Variants in PRKD1 observed in about 807,000 individuals in gnomAD.
The protein encoded by PRKD1 is serine/threonine-protein kinase D1.
A neutral mutation model predicts 95.9 loss-of-function variants in PRKD1; 63 were observed. The observed-to-expected ratio is 0.66, with a 90% confidence interval of 0.54 to 0.81. The LOEUF is 0.81. PRKD1 is among the 30% of genes least tolerant of loss of function. PRKD1 has a pLI of 0.00. For missense variants in PRKD1, 1,048 were observed against 1,165.3 expected (o/e 0.90, Z 1.47); for synonymous variants, 425 against 423.1 (o/e 1.00, Z -0.05).
chr14:29,817,325 C>T (rs34505777), intron 1 of PRKD1, among the ~76,000 whole-genome samples: 43,987 of 151,994 alleles, frequency 0.29, 6,740 homozygotes, highest in African/African-American at 0.37. Context: ...CAAACTGACA[C>T]ATTTTGACTT....
intron 1 of PRKD1, among the ~76,000 whole-genome samples, chr14:29,770,675 T>C (rs1479220159): frequency 2.6e-5 from 4 of 151,912 alleles, no homozygotes; most frequent in South Asian, 2.1e-4. Context: ...GTGAAAGAGA[T>C]ATCTAAGGAG....
At chr14:29,614,402 T>C (rs942486259) in intron 13 of PRKD1, among the ~76,000 whole-genome samples, 1 of 152,142 alleles carries the variant, frequency 6.6e-6, no homozygotes, top group Admixed American at 6.6e-5. Context: ...ACAACTCAGC[T>C]CCTACATTTT....
Position 29,785,496 on chromosome 14 carries a change from C to A in PRKD1, c.265-59822G>T, listed in dbSNP as rs1337154455. On this transcript the variant is annotated intron_variant, in intron 1 of 17. Transcript: ENST00000331968. ...TAAGGTTTGTCTATATATAAGATCA[C>A]GTCATCTGCAAAGAGGGACAATTTG... Among the ~76,000 whole-genome samples, 12 of 152,120 alleles carry A rather than the reference C, an allele frequency of 7.9e-5. 1 individual carries two copies. The highest frequency in any genetic ancestry group is 1.8e-4 in the Non-Finnish European group (12 of 68,014).
intron 16 of PRKD1, among the ~76,000 whole-genome samples, chr14:29,589,490 A>G (rs960156555): frequency 1.3e-5 from 2 of 152,176 alleles, no homozygotes; most frequent in Non-Finnish European, 2.9e-5. Context: ...TGACCTTCAC[A>G]CTTGACTATT....
At chr14:29,905,388 T>C (rs1208817500) in intron 1 of PRKD1, among the ~76,000 whole-genome samples, 2 of 151,974 alleles carry the variant, frequency 1.3e-5, no homozygotes, top group East Asian at 1.9e-4. Flanking sequence ...CAAAACTTAA[T>C]AGGAGGAATG....
At chr14:29,705,225 T>C (rs1427730542) in intron 2 of PRKD1, among the ~76,000 whole-genome samples, 2 of 152,114 alleles carry the variant, frequency 1.3e-5, no homozygotes, top group African/African-American at 2.4e-5. Flanking sequence ...TTTGAGCTTC[T>C]TGACATTTTT....
At chr14:29,790,992 C>A (rs145497950) in intron 1 of PRKD1, among the ~76,000 whole-genome samples, 39 of 152,312 alleles carry the variant, frequency 2.6e-4, no homozygotes, top group African/African-American at 8.7e-4. Flanking sequence ...TTACCAGTCA[C>A]TTATAGAATC....
intron 1 of PRKD1, among the ~76,000 whole-genome samples, chr14:29,781,040 C>T (rs1889019903): frequency 4.0e-5 from 6 of 149,576 alleles, no homozygotes; most frequent in Admixed American, 3.4e-4. Flanking sequence ...ATCACAAGGA[C>T]AGAAAACCAA....
At chr14:29,650,835 C>A (rs546360963) in intron 4 of PRKD1, among the ~76,000 whole-genome samples, 4 of 152,296 alleles carry the variant, frequency 2.6e-5, no homozygotes, top group African/African-American at 9.6e-5. Flanking sequence ...AGAAGAAAAA[C>A]AGAAACTTAG....
chr14:29,622,822 C>A (rs183151937), intron 13 of PRKD1, among the ~76,000 whole-genome samples: 1 of 152,258 alleles, frequency 6.6e-6, no homozygotes, highest in African/African-American at 2.4e-5. Flanking sequence ...CAGTTTTCTG[C>A]AATTGCAGTA....
At chr14:29,621,388 CTT>C (rs1464093628) in intron 13 of PRKD1, among the ~76,000 whole-genome samples, 1 of 151,860 alleles carries the variant, frequency 6.6e-6, no homozygotes, top group South Asian at 2.1e-4. Context: ...CTCTCCCTCT[CTT>C]TCTCTCTCTC....
intron 1 of PRKD1, among the ~76,000 whole-genome samples, chr14:29,925,560 G>A (rs1306859583): frequency 6.6e-6 from 1 of 151,992 alleles, no homozygotes; most frequent in East Asian, 1.9e-4. Context: ...GAGACACCTG[G>A]AATTCACCCT....
At chr14:29,860,814 A>G (rs567458259) in intron 1 of PRKD1, among the ~76,000 whole-genome samples, 11 of 152,288 alleles carry the variant, frequency 7.2e-5, no homozygotes, top group African/African-American at 2.2e-4. Context: ...AATTTAAATG[A>G]CATTCCTAAG....
intron 3 of PRKD1, among the ~76,000 whole-genome samples, 191 bp downstream of exon 3, chr14:29,665,886 G>A (rs933949892): frequency 6.6e-6 from 1 of 151,884 alleles, no homozygotes; most frequent in African/African-American, 2.4e-5. Flanking sequence ...CCAAACGAGT[G>A]GATGAAGAAA....
At chr14:29,909,215 G>A (rs1380460178) in intron 1 of PRKD1, among the ~76,000 whole-genome samples, 1 of 152,058 alleles carries the variant, frequency 6.6e-6, no homozygotes, top group East Asian at 1.9e-4. Context: ...TTCTCGCAGG[G>A]CCTCAGCTGT....
intron 2 of PRKD1, among the ~76,000 whole-genome samples, chr14:29,675,965 AT>A: frequency 8.9e-6 from 1 of 111,832 alleles, no homozygotes; most frequent in Non-Finnish European, 1.7e-5. Context: ...AACATCACAC[AT>A]CGGGGCCTGT....
intron 1 of PRKD1, among the ~76,000 whole-genome samples, chr14:29,727,106 T>C (rs1886196116): frequency 6.6e-6 from 1 of 152,184 alleles, no homozygotes; most frequent in Admixed American, 6.5e-5. Context: ...TGGTGTGTAA[T>C]GATATCTCAT....
intron 4 of PRKD1, among the ~76,000 whole-genome samples, chr14:29,639,668 G>T (rs1173307222): frequency 6.7e-6 from 1 of 150,210 alleles, no homozygotes; most frequent in African/African-American, 2.4e-5. Context: ...AAGAAAGAAA[G>T]AAAGAAAAAA....
intron 13 of PRKD1, among the ~76,000 whole-genome samples, chr14:29,616,180 G>C (rs1012741765): frequency 1.5e-5 from 2 of 135,286 alleles, no homozygotes; most frequent in African/African-American, 5.5e-5. Flanking sequence ...TGTAAGTACA[G>C]GGATGAAGTG....
Sources: gnomAD v4.1 joint callset for allele counts (sites outside exome capture counted in the v4.1 genomes callset) on GRCh38, gnomAD v4.1.1 for gene constraint, MANE v1.5 for transcripts, NCBI Gene and HGNC (gene_info 2026-07-23, HGNC 2026-07-21) for gene names.